SLC35F4: variants seen among roughly 807,000 people sequenced by gnomAD.
SLC35F4 encodes the protein chromosome 14 open reading frame 36.
SLC35F4 carries 24 observed loss-of-function variants against 44.2 expected under a neutral mutation model. The observed-to-expected ratio is 0.54, with a 90% CI of 0.39 to 0.76. SLC35F4 has a LOEUF of 0.76. Ranked by LOEUF, SLC35F4 falls within the 30% of genes least tolerant of loss-of-function variation. The pLI is 0.00. For missense variants in SLC35F4, 562 were observed against 586.1 expected (o/e 0.96, Z 0.42); for synonymous variants, 238 against 223.6 (o/e 1.06, Z -0.57).
intron 1 of SLC35F4, among the ~76,000 whole-genome samples, chr14:57,853,349 G>A (rs1200155873): frequency 6.6e-6 from 1 of 152,190 alleles, no homozygotes; most frequent in Non-Finnish European, 1.5e-5. Context: ...AATCTTGATT[G>A]AAGCCTATAA....
intron 1 of SLC35F4, among the ~76,000 whole-genome samples, chr14:57,861,981 A>G (rs1229212192): frequency 6.6e-6 from 1 of 152,156 alleles, no homozygotes; most frequent in African/African-American, 2.4e-5. Flanking sequence ...TATATCTCCA[A>G]TCAGACATCT....
At chr14:57,953,087 C>A (rs1004154448) in intron 1 of SLC35F4, among the ~76,000 whole-genome samples, 1 of 152,220 alleles carries the variant, frequency 6.6e-6, no homozygotes. Flanking sequence ...AATAGTGGAT[C>A]TCTCTGCAGA....
chr14:57,613,427 A>G (rs2071624907), intron 1 of SLC35F4, among the ~76,000 whole-genome samples: 1 of 152,176 alleles, frequency 6.6e-6, no homozygotes, highest in South Asian at 2.1e-4. Flanking sequence ...CTGTGCTCCT[A>G]TGTCCCCTGT....
chr14:57,720,979 C>CATATATATATATAT (rs3062932), intron 1 of SLC35F4, among the ~76,000 whole-genome samples: 11 of 49,808 alleles, frequency 2.2e-4, no homozygotes, highest in Non-Finnish European at 2.8e-4. Context: ...ATAAACTCCT[C>CATATATATATATAT]ATATATATAT....
intron 1 of SLC35F4, among the ~76,000 whole-genome samples, chr14:57,702,592 A>G (rs2075570462): frequency 6.6e-5 from 10 of 152,158 alleles, no homozygotes; most frequent in Admixed American, 6.6e-4. Flanking sequence ...CCTCTGTCAT[A>G]AGGGTGAATA....
chr14:57,772,136 T>C (rs1053822975), intron 1 of SLC35F4, among the ~76,000 whole-genome samples: 2 of 152,242 alleles, frequency 1.3e-5, no homozygotes, highest in Non-Finnish European at 2.9e-5. Flanking sequence ...TGCTGTGCTA[T>C]ACATGCTTTT....
intron 1 of SLC35F4, among the ~76,000 whole-genome samples, chr14:57,629,649 T>C (rs1051581380): frequency 6.6e-6 from 1 of 152,146 alleles, no homozygotes; most frequent in African/African-American, 2.4e-5. Context: ...TGTTTTCTCA[T>C]GGAATGGTCA....
At chr14:57,902,563 CA>C (rs36099939) in intron 1 of SLC35F4, among the ~76,000 whole-genome samples, 51,742 of 127,726 alleles carry the variant, frequency 0.41, 9,919 homozygotes, top group African/African-American at 0.56. Context: ...AACTCAGTCT[CA>C]AAAAAAAAAA....
chr14:57,737,580 A>G (rs2076500043), intron 1 of SLC35F4, among the ~76,000 whole-genome samples: 1 of 152,042 alleles, frequency 6.6e-6, no homozygotes, highest in Non-Finnish European at 1.5e-5. Context: ...TAAATGTATA[A>G]GCTGTGGACG....
intron 1 of SLC35F4, among the ~76,000 whole-genome samples, chr14:57,633,494 A>G (rs1383898960): frequency 6.6e-6 from 1 of 152,140 alleles, no homozygotes; most frequent in African/African-American, 2.4e-5. Context: ...GTGAAAGAAT[A>G]CTAACTTTTA....
At chr14:57,933,089 T>G (rs1889730801) in intron 1 of SLC35F4, among the ~76,000 whole-genome samples, 1 of 151,646 alleles carries the variant, frequency 6.6e-6, no homozygotes, top group Non-Finnish European at 1.5e-5. Context: ...AAGCGCGACC[T>G]TGGCTCACTG....
At chr14:57,776,119 A>G (rs2077481767) in intron 1 of SLC35F4, among the ~76,000 whole-genome samples, 1 of 152,252 alleles carries the variant, frequency 6.6e-6, no homozygotes, top group Non-Finnish European at 1.5e-5. Context: ...AAAAGGAATG[A>G]ACAAAACCTC....
intron 1 of SLC35F4, among the ~76,000 whole-genome samples, chr14:57,806,913 T>C (rs1283390492): frequency 6.6e-6 from 1 of 152,220 alleles, no homozygotes; most frequent in East Asian, 1.9e-4. Context: ...GAATTGCTAC[T>C]AATAACTATT....
chr14:57,681,568 C>T (rs1254047090), intron 1 of SLC35F4, among the ~76,000 whole-genome samples: 1 of 151,950 alleles, frequency 6.6e-6, no homozygotes, highest in Non-Finnish European at 1.5e-5. Flanking sequence ...AAACCTAGGG[C>T]ATACCATTCA....
At chr14:57,648,709 T>C (rs1340580258) in intron 1 of SLC35F4, among the ~76,000 whole-genome samples, 2 of 152,194 alleles carry the variant, frequency 1.3e-5, no homozygotes, top group African/African-American at 4.8e-5. Flanking sequence ...GTACAAAGCG[T>C]ATTTGTTTCT....
chr14:57,592,084 T>C (rs2070224398), intron 2 of SLC35F4, among the ~76,000 whole-genome samples: 1 of 152,226 alleles, frequency 6.6e-6, no homozygotes, highest in Non-Finnish European at 1.5e-5. Context: ...TGACCACTTT[T>C]AACATGATTT....
chr14:57,673,800 AC>A (rs1470994637), intron 1 of SLC35F4, among the ~76,000 whole-genome samples: 1 of 152,072 alleles, frequency 6.6e-6, no homozygotes, highest in Non-Finnish European at 1.5e-5. Flanking sequence ...ATAACCATAA[AC>A]AAAAAATTGA....
chr14:57,980,249 T>C (rs1449391429), intron 1 of SLC35F4, among the ~76,000 whole-genome samples: 1 of 152,216 alleles, frequency 6.6e-6, no homozygotes, highest in Non-Finnish European at 1.5e-5. Flanking sequence ...TCTGAAGGTC[T>C]CTTAAGGACC....
intron 1 of SLC35F4, among the ~76,000 whole-genome samples, chr14:57,919,690 A>G (rs1051264954): frequency 2.0e-5 from 3 of 152,162 alleles, no homozygotes; most frequent in Non-Finnish European, 4.4e-5. Context: ...CCAAGTAACT[A>G]CAACACCAAG....
Sources: gnomAD v4.1 joint callset for allele counts (sites outside exome capture counted in the v4.1 genomes callset) on GRCh38, gnomAD v4.1.1 for gene constraint, MANE v1.5 for transcripts, NCBI Gene and HGNC (gene_info 2026-07-23, HGNC 2026-07-21) for gene names.